LAMTOR3: variants seen among roughly 807,000 people sequenced by gnomAD.
LAMTOR3 encodes the protein late endosomal/lysosomal adaptor, MAPK and MTOR activator 3, also known as ragulator complex protein LAMTOR3.
A neutral mutation model predicts 20.3 loss-of-function variants in LAMTOR3; 14 were observed. That is an observed-to-expected ratio of 0.69 (90% CI 0.46 to 1.08). The LOEUF is 1.08. Ranked by LOEUF, LAMTOR3 falls within the 50% of genes least tolerant of loss-of-function variation. LAMTOR3 has a pLI of 0.00. For synonymous variants in LAMTOR3, 40 were observed against 49.4 expected (o/e 0.81, Z 0.80); for missense variants, 125 against 143.7 (o/e 0.87, Z 0.67).
Position 99,887,308 on chromosome 4 carries a change from G to C in LAMTOR3, c.91C>G (p.Pro31Ala), listed in dbSNP as rs1448741915. Residue 31 changes from proline to alanine, a missense_variant, in exon 4 of 7, where the codon CCT becomes GCT. Physicochemically the swap from Pro to Ala is conservative, Grantham distance 27. Around this residue, in one of 3 missense-constraint regions of LAMTOR3, gnomAD observed 99 missense variants for 96.0 expected, o/e 1.03. Transcript: ENST00000499666. Reference protein sequence around the residue: ...AIVVSDRDGVPVIKVANDNAP... With the variant: ...AIVVSDRDGVAVIKVANDNAP... ...TGTTCAGTTTTACCTTTAATAACAG[G>C]TACTCCATCTCTATCTGACACAACA... The C allele has an allele frequency of 6.4e-6, 10 of 1,565,160 alleles. No homozygotes were observed. The highest frequency in any genetic ancestry group is 8.7e-6 in the Non-Finnish European group (10 of 1,153,046).
intron 6 of LAMTOR3, 111 bp downstream of exon 6, chr4:99,883,951 G>T: frequency 1.4e-6 from 1 of 730,706 alleles, no homozygotes; most frequent in Non-Finnish European, 2.3e-6. Context: ...TGGGCCACAA[G>T]TTCAAGATTT....
chr4:99,890,683 A>G (rs1318958516), intron 3 of LAMTOR3, among the ~76,000 whole-genome samples: 2 of 152,162 alleles, frequency 1.3e-5, no homozygotes, highest in Non-Finnish European at 2.9e-5. Flanking sequence ...AGATTTTCAT[A>G]AAGCTTTTAA....
chr4:99,883,848 G>A (rs1195741754), intron 6 of LAMTOR3, among the ~76,000 whole-genome samples: 3 of 150,546 alleles, frequency 2.0e-5, no homozygotes, highest in Non-Finnish European at 4.4e-5. Flanking sequence ...ATTGTAAGAT[G>A]GAGAAAGCAT....
rs541693878 is a variant in LAMTOR3, at chr4:99,887,382, AAAAAAGTTAAAATATAAAATTTT to A, written c.45-51_45-29del. The A allele has an allele frequency of 7.2e-4, 785 of 1,089,316 alleles. 12 individuals are homozygous for A. In the African/African-American group the frequency reaches 0.011, roughly 15 times the overall value. The allele number at this position is 1,089,316 out of a possible 1,614,324, so 67.5% of individuals were successfully genotyped here. A position where few individuals can be genotyped will look rare whatever the true frequency, so the allele number is the denominator to read the frequency against. Reference sequence around the variant, plus strand: ...AGAAAAAGAAAATAGTTAAAATATAAAAAAAGTTAAAATATAAAATTTTAAAAAGTTAAAATATAAAATATTTC... The same window carrying A: ...AGAAAAAGAAAATAGTTAAAATATAAAAAAAGTTAAAATATAAAATATTTC... On this transcript the variant is annotated intron_variant, in intron 3 of 6. Transcript: ENST00000499666.
chr4:99,885,737 C>G, intron 4 of LAMTOR3, 62 bp from the exon 5 acceptor site: 3 of 1,384,450 alleles, frequency 2.2e-6, no homozygotes, highest in Non-Finnish European at 2.0e-6. Context: ...GATTTACAGC[C>G]CTTTTTTTTC....
At chr4:99,886,707 T>C (rs895925611) in intron 4 of LAMTOR3, among the ~76,000 whole-genome samples, 4 of 152,180 alleles carry the variant, frequency 2.6e-5, no homozygotes, top group Admixed American at 6.5e-5. Flanking sequence ...AAACAAAATA[T>C]ACAGAACATT....
At position 99,885,015 on chromosome 4, in the gene LAMTOR3, C is replaced by T. The variant is rs541296582; in HGVS notation, c.237+527G>A. Among the ~76,000 whole-genome samples the T allele has an allele frequency of 4.0e-5, 6 of 151,766 alleles. No individual in the cohort carries two copies. The South Asian group carries it at 6.3e-4, about 16-fold the overall frequency. Reference sequence around the variant, plus strand: ...CTTACATCAATTGATTAGGAAACATCGCTCTAAAGCACAAGGAATTAATTT... The same window carrying T: ...CTTACATCAATTGATTAGGAAACATTGCTCTAAAGCACAAGGAATTAATTT... On this transcript the variant is annotated intron_variant, in intron 5 of 6. Coordinates refer to ENST00000499666, the MANE Select transcript of LAMTOR3 (RefSeq NM_021970.4).
intron 3 of LAMTOR3, among the ~76,000 whole-genome samples, chr4:99,891,136 AC>A (rs1725014490): frequency 6.6e-6 from 1 of 152,202 alleles, no homozygotes; most frequent in African/African-American, 2.4e-5. Context: ...TCAAAAGAGG[AC>A]TGTAAATCAC....
In LAMTOR3 at chr4:99,878,580, TACAA is replaced by T. The variant is rs1724755377; in HGVS notation, c.*3410_*3413del. 1 of 152,198 alleles carries T rather than the reference TACAA, an allele frequency of 6.6e-6. No individual in the cohort carries two copies. Among genetic ancestry groups the T allele is most frequent in the Middle Eastern group, 3.2e-3 (1 of 316 alleles). The allele number at this position is 152,198 out of a possible 1,614,324, so 9.4% of individuals were successfully genotyped here. On this transcript the variant is annotated 3_prime_UTR_variant, in exon 7 of 7. Coordinates refer to ENST00000499666, the MANE Select transcript of LAMTOR3 (RefSeq NM_021970.4). Reference sequence around the variant, plus strand: ...ATGTCTTCAGAGACAGTCTACCATATACAAACAAATAGGAATACATACACATTTT... The same window carrying T: ...ATGTCTTCAGAGACAGTCTACCATATACAAATAGGAATACATACACATTTT...
chr4:99,891,412 T>C (rs957712106), intron 3 of LAMTOR3, among the ~76,000 whole-genome samples: 1 of 152,206 alleles, frequency 6.6e-6, no homozygotes, highest in Non-Finnish European at 1.5e-5. Flanking sequence ...AGTATAAACT[T>C]TTCTAACTCT....
rs1724907984 is a variant in LAMTOR3, at chr4:99,885,575, A to C, written c.204T>G (p.Asn68Lys). Residue 68 changes from asparagine to lysine, a missense_variant, in exon 5 of 7, where the codon AAT becomes AAG. Physicochemically the swap from Asn to Lys is moderately conservative, Grantham distance 94. This residue lies in a region of LAMTOR3 where 99 missense variants were observed against 96.0 expected (regional missense o/e 1.03). Transcript: ENST00000499666. ...TGTTATAGTAACAGATGATACTTTT[A>C]TTTTTGGAAAGTCCAAGTTTGCTTC... Reference protein sequence around the residue: ...DQGSKLGLSKNKSIICYYNTY... With the variant: ...DQGSKLGLSKKKSIICYYNTY... 6.2e-7 allele frequency: 1 copy of C among 1,613,170 alleles called. No individual in the cohort carries two copies. The highest frequency in any genetic ancestry group is 8.5e-7 in the Non-Finnish European group (1 of 1,179,520).
At chr4:99,885,802 C>A in intron 4 of LAMTOR3, 127 bp from the exon 5 acceptor site, 1 of 770,264 alleles carries the variant, frequency 1.3e-6, no homozygotes, top group Non-Finnish European at 2.1e-6. Context: ...TATTGAAAAT[C>A]ATATCACTAA....
chr4:99,893,991 A>G lies in LAMTOR3; in HGVS notation c.-28T>C, dbSNP rs368036661. 2.7e-5 allele frequency: 41 copies of G among 1,533,180 alleles called. No homozygotes were observed. The South Asian group carries it at 2.9e-4, about 11-fold the overall frequency. 95.0% of individuals were successfully genotyped at this position (1,533,180 alleles called of 1,614,324 possible). A position where few individuals can be genotyped will look rare whatever the true frequency, so the allele number is the denominator to read the frequency against. ...TGAACCCCCTTCTCTCGCAGGATCAATCTCCACGCCTGGAAGAGAAACTCC... is the reference window on the plus strand; with the variant it reads ...TGAACCCCCTTCTCTCGCAGGATCAGTCTCCACGCCTGGAAGAGAAACTCC... On this transcript the variant is annotated 5_prime_UTR_variant, in exon 2 of 7. Transcript: ENST00000499666.
At chr4:99,882,386 G>GTTTTGGATTTCAAAT (rs1440679790) in intron 6 of LAMTOR3, among the ~76,000 whole-genome samples, 2 of 152,098 alleles carry the variant, frequency 1.3e-5, no homozygotes, top group African/African-American at 4.8e-5. Context: ...ACTTTAGAAT[G>GTTTTGGATTTCAAAT]TTTTGGATTT....
At chr4:99,889,597 A>G (rs550122410) in intron 3 of LAMTOR3, among the ~76,000 whole-genome samples, 277 of 152,364 alleles carry the variant, frequency 1.8e-3, no homozygotes, top group Admixed American at 7.4e-3. Flanking sequence ...GTGTATATAC[A>G]TGTCTGCTCA....
At chr4:99,894,521 G>A (rs1458405016), upstream of LAMTOR3, 7 of 151,346 alleles carry the variant, frequency 4.6e-5, no homozygotes, top group African/African-American at 1.7e-4. Context: ...GCGAGGGCGC[G>A]TCCGGCGGCC....
In LAMTOR3 at chr4:99,882,063, T is replaced by C. The variant is rs1365099014; in HGVS notation, c.306A>G (p.Leu102=). The C allele has an allele frequency of 6.4e-7, 1 of 1,571,020 alleles. No individual in the cohort carries two copies. The highest frequency in any genetic ancestry group is 2.0e-5 in the Admixed American group (1 of 49,934). ...FIASSSANTG[L]IVSLEKELAP... is the part of the protein sequence containing the mutation. The stretch of plus-strand genomic sequence containing the variant: ...CAAGTTCCTTTTCTAGGCTGACAAT[T>C]AGTCCTAAAATAAAGAGATTAAGAA... Residue 102 remains leucine (L), a synonymous_variant, in exon 7 of 7, where the codon CTA becomes CTG. Transcript: ENST00000499666.
intron 1 of LAMTOR3, 92 bp downstream of exon 1, chr4:99,894,240 GAAA>G (rs1725080224): frequency 2.7e-6 from 1 of 368,850 alleles, no homozygotes; most frequent in Non-Finnish European, 4.8e-6. Context: ...TAGGCCCAAA[GAAA>G]AGAAGAGAGG....
At chr4:99,884,535 A>C (rs1724886183) in intron 5 of LAMTOR3, among the ~76,000 whole-genome samples, 2 of 152,206 alleles carry the variant, frequency 1.3e-5, no homozygotes, top group Non-Finnish European at 2.9e-5. Context: ...ATTTAAATTA[A>C]ATTTAAAGTA....
Sources: allele counts gnomAD v4.1 joint callset (sites outside exome capture counted in the v4.1 genomes callset), GRCh38; gene constraint gnomAD v4.1.1; regional missense constraint gnomAD v4.1.1; transcripts MANE v1.5; gene names NCBI Gene and HGNC (gene_info 2026-07-23, HGNC 2026-07-21).